Variants in CPE observed in about 807,000 individuals in gnomAD.
The protein encoded by CPE is carboxypeptidase E.
Under a neutral mutation model 53.5 loss-of-function variants are expected in CPE, and 17 were observed. The observed-to-expected ratio is 0.32, with a 90% CI of 0.22 to 0.48. CPE has a LOEUF of 0.48. CPE is among the 20% of genes least tolerant of loss of function. CPE has a pLI of 0.99. For missense variants in CPE, 524 were observed against 614.7 expected, an observed-to-expected ratio of 0.85 and a Z score of 1.56; for synonymous variants, 226 against 228.8, an observed-to-expected ratio of 0.99 and a Z score of 0.11.
At chr4:165,482,987 A>T (rs1452063420) in intron 4 of CPE, among the ~76,000 whole-genome samples, 3 of 151,366 alleles carry the variant, frequency 2.0e-5, no homozygotes, top group African/African-American at 7.3e-5. Flanking sequence ...TTGTAAAAAC[A>T]GGATGATTAG....
At chr4:165,431,688 TA>T (rs1444727649) in intron 1 of CPE, among the ~76,000 whole-genome samples, 1 of 152,162 alleles carries the variant, frequency 6.6e-6, no homozygotes, top group Admixed American at 6.6e-5. Context: ...TAATTGAAAT[TA>T]AGTACTGAAG....
intron 3 of CPE, among the ~76,000 whole-genome samples, chr4:165,478,145 A>C (rs1472005268): frequency 6.6e-6 from 1 of 152,216 alleles, no homozygotes; most frequent in Non-Finnish European, 1.5e-5. Context: ...TTAAGAACCA[A>C]AGACATCTAA....
intron 1 of CPE, among the ~76,000 whole-genome samples, chr4:165,402,366 G>A (rs1484432331): frequency 3.3e-5 from 5 of 152,166 alleles, no homozygotes; most frequent in African/African-American, 7.2e-5. Flanking sequence ...AAGGATGTTG[G>A]TGTTTCTAGT....
chr4:165,496,694 C>G (rs906910902), intron 8 of CPE, among the ~76,000 whole-genome samples: 16 of 152,118 alleles, frequency 1.1e-4, no homozygotes, highest in Admixed American at 2.0e-4. Flanking sequence ...CTCCCTAGAC[C>G]TGATGAAGAT....
chr4:165,495,598 A>C lies in CPE; in HGVS notation c.1253A>C (p.Asn418Thr). 6.2e-7 allele frequency: 1 copy of C among 1,613,956 alleles called. No homozygotes were observed. Among genetic ancestry groups the C allele is most frequent in the South Asian group, 1.1e-5 (1 of 91,034 alleles). Residue 418 changes from asparagine to threonine, a missense_variant, in exon 8 of 9, where the codon AAC (asparagine) becomes ACC (threonine). Physicochemically the swap from Asn to Thr is moderately conservative, Grantham distance 65. Transcript: ENST00000402744. ...TACTGGAGATTGCTTATACCTGGAAACTATAAACTTACAGCCTCAGCTCCA... is the reference window on the plus strand; with the variant it reads ...TACTGGAGATTGCTTATACCTGGAACCTATAAACTTACAGCCTCAGCTCCA... ...GDYWRLLIPG[N>T]YKLTASAPGY...
chr4:165,476,514 G>A (rs1732304144), intron 3 of CPE, among the ~76,000 whole-genome samples: 1 of 151,702 alleles, frequency 6.6e-6, no homozygotes, highest in African/African-American at 2.4e-5. Flanking sequence ...GCGCATGTAT[G>A]AACCCATTTG....
At chr4:165,417,503 A>G (rs1487136586) in intron 1 of CPE, among the ~76,000 whole-genome samples, 2 of 152,166 alleles carry the variant, frequency 1.3e-5, no homozygotes, top group Non-Finnish European at 2.9e-5. Flanking sequence ...TTGTAAAACT[A>G]CAAACAGTAG....
At chr4:165,421,286 G>T (rs1373344458) in intron 1 of CPE, among the ~76,000 whole-genome samples, 3 of 152,200 alleles carry the variant, frequency 2.0e-5, no homozygotes. Flanking sequence ...TGTATTGAAA[G>T]GTATACTTTT....
chr4:165,479,460 GA>G (rs1732363134), intron 3 of CPE, among the ~76,000 whole-genome samples: 2 of 152,260 alleles, frequency 1.3e-5, no homozygotes, highest in South Asian at 2.1e-4. Flanking sequence ...CTTAGAGGGG[GA>G]TAGAACTTTC....
intron 1 of CPE, among the ~76,000 whole-genome samples, chr4:165,430,961 C>T (rs1394336156): frequency 6.6e-6 from 1 of 152,058 alleles, no homozygotes; most frequent in East Asian, 1.9e-4. Flanking sequence ...TTGCTCATGA[C>T]CAGATTTCTG....
intron 4 of CPE, 101 bp from the exon 5 acceptor site, chr4:165,484,321 C>A: frequency 4.7e-6 from 5 of 1,067,784 alleles, no homozygotes; most frequent in Non-Finnish European, 5.3e-6. Context: ...TAAAAAAATA[C>A]ATCAACAATA....
chr4:165,383,664 T>G (rs1035512347), intron 1 of CPE, among the ~76,000 whole-genome samples: 1 of 152,192 alleles, frequency 6.6e-6, no homozygotes, highest in African/African-American at 2.4e-5. Context: ...TAAATGCCAG[T>G]ATGAATTTGC....
chr4:165,467,883 G>A, intron 3 of CPE, 28 bp downstream of exon 3: 1 of 1,609,940 alleles, frequency 6.2e-7, no homozygotes, highest in Non-Finnish European at 8.5e-7. Context: ...GTCTTCTTGG[G>A]TTCGTCTCTA....
intron 1 of CPE, among the ~76,000 whole-genome samples, chr4:165,419,547 C>T (rs993627084): frequency 2.2e-4 from 33 of 152,094 alleles, no homozygotes; most frequent in African/African-American, 7.5e-4. Context: ...TTTTCATTCT[C>T]ATTTTATAAT....
chr4:165,391,861 G>A (rs1730685876), intron 1 of CPE, among the ~76,000 whole-genome samples: 1 of 152,048 alleles, frequency 6.6e-6, no homozygotes, highest in Non-Finnish European at 1.5e-5. Flanking sequence ...CTACAGTGGA[G>A]GGCTTTCAGA....
rs1732426010 is a variant in CPE, at chr4:165,482,226, T to C, written c.673-16T>C. The C allele has an allele frequency of 1.3e-6, 2 of 1,490,648 alleles. No homozygotes were observed. The highest frequency in any genetic ancestry group is 2.3e-5 in the South Asian group (2 of 86,170). 92.3% of individuals were successfully genotyped at this position (1,490,648 alleles called of 1,614,324 possible). A position where few individuals can be genotyped will look rare whatever the true frequency, so the allele number is the denominator to read the frequency against. On this transcript the variant is annotated splice_polypyrimidine_tract_variant and intron_variant, in intron 3 of 8. Transcript: ENST00000402744. ...ATTATTAAATTTATAATCCTTTTAA[T>C]CTCTCATCTGAACAGCTTGCTCCTG...
chr4:165,443,338 G>A (rs1731647032), intron 1 of CPE, among the ~76,000 whole-genome samples: 1 of 152,150 alleles, frequency 6.6e-6, no homozygotes, highest in Admixed American at 6.5e-5. Flanking sequence ...TTAAATGCCA[G>A]CCACTATTCT....
At chr4:165,445,837 G>C (rs1313369200) in intron 1 of CPE, among the ~76,000 whole-genome samples, 1 of 151,910 alleles carries the variant, frequency 6.6e-6, no homozygotes, top group East Asian at 1.9e-4. Context: ...ACTTATATTG[G>C]AGCACTAGTC....
intron 1 of CPE, among the ~76,000 whole-genome samples, chr4:165,439,244 G>A (rs1731565316): frequency 6.6e-6 from 1 of 152,204 alleles, no homozygotes; most frequent in South Asian, 2.1e-4. Context: ...AACGTAAAAA[G>A]CAGTTGTCTA....
Sources: allele counts gnomAD v4.1 joint callset (sites outside exome capture counted in the v4.1 genomes callset), GRCh38; gene constraint gnomAD v4.1.1; transcripts MANE v1.5; gene names NCBI Gene and HGNC (gene_info 2026-07-23, HGNC 2026-07-21).